The following FAT3 variants were observed in gnomAD, a reference collection of about 807,000 sequenced individuals.
The protein encoded by FAT3 is FAT atypical cadherin 3, also known as protocadherin Fat 3.
Under a neutral mutation model 310.2 loss-of-function variants are expected in FAT3, and 95 were observed. The observed-to-expected ratio is 0.31, with a 90% CI of 0.26 to 0.36. The LOEUF (loss-of-function observed/expected upper bound fraction) is 0.36, where lower values mean the gene tolerates loss of function less well. Ranked by LOEUF, FAT3 falls within the 10% of genes least tolerant of loss-of-function variation. The probability of loss-of-function intolerance (pLI) is 1.00; values close to 1 mark genes in which losing one functional copy is unlikely to be tolerated. For synonymous variants in FAT3, 2,314 were observed against 2,192.9 expected (o/e 1.06, Z -1.54); for missense variants, 5,408 against 5,715.6 (o/e 0.95, Z 1.74).
At chr11:92,472,611 T>C (rs1951937422) in intron 2 of FAT3, among the ~76,000 whole-genome samples, 1 of 152,234 alleles carries the variant, frequency 6.6e-6, no homozygotes, top group Admixed American at 6.5e-5. Flanking sequence ...TTTGACTGTC[T>C]TGTGTATATA....
At position 92,837,763 on chromosome 11, in the gene FAT3, A is replaced by G. The variant is rs1948443447; in HGVS notation, c.10325A>G (p.Asn3442Ser). 3.1e-6 allele frequency: 5 copies of G among 1,614,034 alleles called. No homozygotes were observed. The highest frequency in any genetic ancestry group is 4.2e-6 in the Non-Finnish European group (5 of 1,179,898). The change falls in exon 17 of 28, where the codon AAC becomes AGC. Residue 3442 changes from asparagine to serine, a missense_variant. Asn to Ser is a conservative substitution (Grantham distance 46). Transcript: ENST00000525166. ...VNIDISDVND[N>S]SPVFTPANYT... ...ATTGATATTTCTGATGTGAATGACA[A>G]CAGCCCGGTGTTTACACCTGCCAAC...
intron 2 of FAT3, among the ~76,000 whole-genome samples, chr11:92,411,281 G>T (rs910932467): frequency 6.6e-6 from 1 of 151,212 alleles, no homozygotes; most frequent in East Asian, 1.9e-4. Context: ...TGCCATGTTA[G>T]TGTCACCTGC....
At chr11:92,880,692 A>G (rs1032422866) in intron 22 of FAT3, 39 bp from the exon 23 acceptor site, 5 of 1,597,422 alleles carry the variant, frequency 3.1e-6, no homozygotes, top group Non-Finnish European at 4.3e-6. Context: ...CAGCCCTAGC[A>G]GTGGCATCCA....
chr11:92,569,933 A>T (rs565571960), intron 3 of FAT3, among the ~76,000 whole-genome samples: 5 of 152,128 alleles, frequency 3.3e-5, no homozygotes, highest in Non-Finnish European at 7.4e-5. Context: ...ATCTCACCAC[A>T]GGCCTCCTTG....
intron 9 of FAT3, among the ~76,000 whole-genome samples, chr11:92,797,530 C>G (rs1284717543): frequency 2.0e-5 from 3 of 152,186 alleles, no homozygotes; most frequent in African/African-American, 4.8e-5. Flanking sequence ...AGAAAGATCT[C>G]TCCTTCGGGC....
chr11:92,511,088 A>G (rs1479118456), intron 2 of FAT3, among the ~76,000 whole-genome samples: 1 of 152,216 alleles, frequency 6.6e-6, no homozygotes, highest in Non-Finnish European at 1.5e-5. Context: ...TGCATGATAA[A>G]ATCAGCTAAT....
intron 3 of FAT3, among the ~76,000 whole-genome samples, chr11:92,582,510 G>C (rs933892022): frequency 2.0e-5 from 3 of 151,870 alleles, no homozygotes; most frequent in Non-Finnish European, 4.4e-5. Context: ...GATAATTCTA[G>C]CAATCCTTCA....
intron 2 of FAT3, among the ~76,000 whole-genome samples, chr11:92,416,155 C>T (rs369381715): frequency 1.4e-5 from 2 of 145,140 alleles, no homozygotes; most frequent in South Asian, 4.4e-4. Context: ...GTGGGCAGAT[C>T]ACGAGGTCAG....
chr11:92,266,546 G>A (rs1841033), intron 1 of FAT3, among the ~76,000 whole-genome samples: 1 of 151,966 alleles, frequency 6.6e-6, no homozygotes, highest in Non-Finnish European at 1.5e-5. Context: ...GCGGGTATAT[G>A]TTATATTAGG....
chr11:92,292,370 TA>T (rs1197882814), intron 1 of FAT3, among the ~76,000 whole-genome samples: 1 of 152,070 alleles, frequency 6.6e-6, no homozygotes, highest in African/African-American at 2.4e-5. Context: ...CCTCAAATTT[TA>T]ATGTACCTCC....
intron 1 of FAT3, among the ~76,000 whole-genome samples, chr11:92,282,242 G>A (rs1565199172): frequency 6.6e-6 from 1 of 152,122 alleles, no homozygotes. Flanking sequence ...TCCCTAGTCT[G>A]ATCTGAAGAT....
chr11:92,336,263 C>G lies in FAT3; in HGVS notation c.-17-15833C>G, dbSNP rs898678157. On this transcript the variant is annotated intron_variant, in intron 1 of 27. Transcript: ENST00000525166. The stretch of plus-strand genomic sequence containing the variant: ...TGTTCCAGATGTCCAAAATGGGGTC[C>G]TTGTCATAGCAATGGGAGTCTGGGT... 7 of 541,726 alleles carry G rather than the reference C, an allele frequency of 1.3e-5. No homozygotes were observed. The Admixed American group carries it at 1.4e-4, about 11-fold the overall frequency. 33.6% of individuals were successfully genotyped at this position (541,726 alleles called of 1,614,324 possible). A position where few individuals can be genotyped will look rare whatever the true frequency, so the allele number is the denominator to read the frequency against.
chr11:92,639,677 A>T (rs1216438492), intron 3 of FAT3, among the ~76,000 whole-genome samples: 2 of 152,040 alleles, frequency 1.3e-5, no homozygotes, highest in Non-Finnish European at 2.9e-5. Flanking sequence ...AGTGAGGAGG[A>T]TGTATTTGAG....
intron 3 of FAT3, among the ~76,000 whole-genome samples, chr11:92,575,401 G>T (rs538784236): frequency 6.6e-6 from 1 of 152,252 alleles, no homozygotes; most frequent in Non-Finnish European, 1.5e-5. Flanking sequence ...TTGTATATGA[G>T]TGTTAGTTAA....
chr11:92,601,725 A>G (rs1487070809), intron 3 of FAT3, among the ~76,000 whole-genome samples: 1 of 152,172 alleles, frequency 6.6e-6, no homozygotes, highest in Non-Finnish European at 1.5e-5. Flanking sequence ...AATGGAACCT[A>G]TTATATACAG....
At chr11:92,447,754 G>A (rs1227367781) in intron 2 of FAT3, among the ~76,000 whole-genome samples, 1 of 152,106 alleles carries the variant, frequency 6.6e-6, no homozygotes, top group Admixed American at 6.5e-5. Flanking sequence ...ATGTGGAAAT[G>A]TTTTTGGAAG....
At chr11:92,736,845 AT>A (rs1307653289) in intron 4 of FAT3, among the ~76,000 whole-genome samples, 5 of 151,930 alleles carry the variant, frequency 3.3e-5, no homozygotes, top group African/African-American at 1.2e-4. Context: ...GTGGTCTTTT[AT>A]TTTTTTCCTT....
chr11:92,693,159 C>G (rs1415861685), intron 3 of FAT3, among the ~76,000 whole-genome samples: 3 of 152,152 alleles, frequency 2.0e-5, no homozygotes, highest in Admixed American at 1.3e-4. Context: ...ATGTCTCCCC[C>G]ACCTCCTTAT....
intron 2 of FAT3, among the ~76,000 whole-genome samples, chr11:92,358,870 T>G (rs1156959264): frequency 6.6e-6 from 1 of 152,262 alleles, no homozygotes; most frequent in East Asian, 1.9e-4. Context: ...TAGCCATTAC[T>G]GAGTCTCAGG....
Sources: gnomAD v4.1 joint callset for allele counts (sites outside exome capture counted in the v4.1 genomes callset) on GRCh38, gnomAD v4.1.1 for gene constraint, MANE v1.5 for transcripts, NCBI Gene and HGNC (gene_info 2026-07-23, HGNC 2026-07-21) for gene names.